NAV1: variants seen among roughly 807,000 people sequenced by gnomAD.
The protein encoded by NAV1 is neuron navigator 1.
NAV1 carries 18 observed loss-of-function variants against 175.2 expected under a neutral mutation model. The observed-to-expected ratio is 0.10, with a 90% CI of 0.07 to 0.15. The LOEUF (loss-of-function observed/expected upper bound fraction) is 0.15. Among genes scored for constraint, NAV1 ranks in the 10% least tolerant of loss-of-function variants. The pLI, the probability that NAV1 is intolerant of heterozygous loss-of-function variation, is 1.00. For missense variants in NAV1, 1,731 were observed against 2,436.6 expected (o/e 0.71, Z 6.10); for synonymous variants, 897 against 978.7 (o/e 0.92, Z 1.56).
intron 28 of NAV1, among the ~76,000 whole-genome samples, chr1:201,816,597 A>C (rs1217706674): frequency 6.6e-6 from 1 of 151,628 alleles, no homozygotes; most frequent in Non-Finnish European, 1.5e-5. Flanking sequence ...ATTTATACCA[A>C]CTTATTTCCT....
At chr1:201,540,578 G>A (rs901586851) in intron 1 of NAV1, among the ~76,000 whole-genome samples, 31 of 152,326 alleles carry the variant, frequency 2.0e-4, no homozygotes, top group African/African-American at 7.2e-4. Context: ...AGAGACCTTG[G>A]CTTCCTTTAG....
Position 201,812,016 on chromosome 1 carries a change from A to G in NAV1, c.5024+42A>G. The stretch of plus-strand genomic sequence containing the variant: ...TGGATGAACCTTCTGACCCTACCCA[A>G]GAGTCTTCAATCCTGGACTCTGGCC... On this transcript the variant is annotated intron_variant, in intron 26 of 29. Coordinates refer to ENST00000367296, the Ensembl canonical transcript of NAV1. The surrounding 1 kb of genome is among the most constrained non-coding windows in gnomAD (Gnocchi z 4.6). 1 of 1,575,048 alleles carries G rather than the reference A, an allele frequency of 6.3e-7. No homozygotes were observed. Among genetic ancestry groups the G allele is most frequent in the Non-Finnish European group, 8.7e-7 (1 of 1,144,418 alleles).
chr1:201,713,471 CT>C (rs1558089839), intron 2 of NAV1, among the ~76,000 whole-genome samples: 2 of 152,204 alleles, frequency 1.3e-5, no homozygotes, highest in Non-Finnish European at 2.9e-5. Flanking sequence ...GTGTGTCCCC[CT>C]AGCCCACTCC....
intron 1 of NAV1, among the ~76,000 whole-genome samples, chr1:201,558,345 C>G (rs929843707): frequency 6.6e-6 from 1 of 152,158 alleles, no homozygotes; most frequent in African/African-American, 2.4e-5. Flanking sequence ...AATGAATGAG[C>G]CCAGTGCTCA....
chr1:201,673,500 C>CT (rs1670128476), intron 1 of NAV1: 1 of 152,142 alleles, frequency 6.6e-6, no homozygotes, highest in Admixed American at 6.5e-5. Context: ...CTTTTCACAG[C>CT]TGGGAGGGTC....
rs77984586 is a variant in NAV1, at chr1:201,762,135, G to A, written c.1227-18286G>A. On this transcript the variant is annotated intron_variant, in intron 3 of 29. Transcript: ENST00000367296. ...TGTTTGCACCACTGCATTCCAGTTA[G>A]GTGACAGAGTGAGACCCTGTCTCAA... Among the ~76,000 whole-genome samples, 3 of 152,306 alleles carry A rather than the reference G, an allele frequency of 2.0e-5. No individual in the cohort carries two copies. In the East Asian group the frequency reaches 5.8e-4, roughly 29 times the overall value.
At chr1:201,683,378 C>A (rs1046420074) in intron 1 of NAV1, among the ~76,000 whole-genome samples, 1 of 152,080 alleles carries the variant, frequency 6.6e-6, no homozygotes, top group Admixed American at 6.5e-5. Context: ...AATTTTTCCA[C>A]GGACAGGGGT....
In NAV1 at chr1:201,539,614, G is replaced by A. The variant is rs188543350; in HGVS notation, c.-144+272G>A. Among the ~76,000 whole-genome samples, 82 of 152,250 alleles carry A rather than the reference G, an allele frequency of 5.4e-4. 1 individual carries two copies. The highest frequency in any genetic ancestry group is 1.9e-3 in the African/African-American group (79 of 41,544). On this transcript the variant is annotated intron_variant, in intron 1 of 33. Transcript: ENST00000685211. The surrounding 1 kb of genome is among the most constrained non-coding windows in gnomAD (Gnocchi z 5.6). ...GATTCTAGAGTTGACTCTCCGGGGG[G>A]GCTGCCTAACTTCAGTCCCTCTGAG...
chr1:201,756,794 CT>C (rs1674487931), intron 3 of NAV1, among the ~76,000 whole-genome samples: 20 of 143,674 alleles, frequency 1.4e-4, no homozygotes, highest in African/African-American at 4.1e-4. Context: ...ATGAGCAATT[CT>C]CTTTCTTTCT....
intron 3 of NAV1, among the ~76,000 whole-genome samples, chr1:201,755,977 C>T (rs1198536499): frequency 1.3e-5 from 2 of 151,852 alleles, no homozygotes; most frequent in Non-Finnish European, 2.9e-5. Flanking sequence ...CGTGGTGGTG[C>T]ATGCCTGTAA....
chr1:201,678,114 C>T (rs1326554607), intron 1 of NAV1, among the ~76,000 whole-genome samples: 4 of 152,126 alleles, frequency 2.6e-5, no homozygotes, highest in Admixed American at 2.0e-4. Flanking sequence ...ATGTATCCTG[C>T]CAAATGTGAT....
intron 17 of NAV1, among the ~76,000 whole-genome samples, chr1:201,805,683 G>A (rs1425007434): frequency 1.3e-5 from 2 of 152,172 alleles, no homozygotes; most frequent in African/African-American, 2.4e-5. Context: ...AGAACTTTGG[G>A]AGGCTGAGGT....
intron 1 of NAV1, among the ~76,000 whole-genome samples, chr1:201,627,612 C>T (rs1375184430): frequency 2.0e-5 from 3 of 149,224 alleles, no homozygotes; most frequent in African/African-American, 7.4e-5. Flanking sequence ...TTATTGCATA[C>T]CTGCTCTGGC....
At chr1:201,761,532 G>A (rs554872793) in intron 3 of NAV1, among the ~76,000 whole-genome samples, 1 of 152,132 alleles carries the variant, frequency 6.6e-6, no homozygotes, top group African/African-American at 2.4e-5. Context: ...CTCACTTTGC[G>A]CTCACAGGGT....
chr1:201,756,188 C>T (rs903889766), intron 3 of NAV1, among the ~76,000 whole-genome samples: 6 of 149,764 alleles, frequency 4.0e-5, no homozygotes, highest in Non-Finnish European at 8.9e-5. Flanking sequence ...AGTTTAATTA[C>T]TACTAAGGAG....
intron 1 of NAV1, among the ~76,000 whole-genome samples, chr1:201,674,974 A>C (rs1488739002): frequency 6.7e-6 from 1 of 148,960 alleles, no homozygotes; most frequent in Non-Finnish European, 1.5e-5. Context: ...TGGGAGGTTG[A>C]GGGTGCAGTG....
chr1:201,575,702 A>G (rs1666675112), intron 1 of NAV1, among the ~76,000 whole-genome samples: 1 of 152,180 alleles, frequency 6.6e-6, no homozygotes, highest in Non-Finnish European at 1.5e-5. Flanking sequence ...GTGGTGACGT[A>G]ACAACATCTG....
chr1:201,540,199 G>T (rs1441692807), intron 1 of NAV1, among the ~76,000 whole-genome samples: 1 of 152,206 alleles, frequency 6.6e-6, no homozygotes, highest in Non-Finnish European at 1.5e-5. Flanking sequence ...GGCAGAGAGG[G>T]TTCCTTGTCC....
rs114986514 is a variant in NAV1, at chr1:201,787,080, C to A, written c.2995+503C>A. Reference sequence around the variant, plus strand: ...GCCCAGGCCATCCTAACGCTGAAGGCAGGGCTGACTCAGATGTGTCCTGGC... The same window carrying A: ...GCCCAGGCCATCCTAACGCTGAAGGAAGGGCTGACTCAGATGTGTCCTGGC... On this transcript the variant is annotated intron_variant, in intron 9 of 29. Coordinates refer to ENST00000367296, the Ensembl canonical transcript of NAV1. The surrounding 1 kb of genome is among the most constrained non-coding windows in gnomAD (Gnocchi z 4.3). 6.7e-3 allele frequency among the ~76,000 whole-genome samples: 1,025 copies of A among 152,336 alleles called. 11 individuals carry two copies. The highest frequency in any genetic ancestry group is 0.024 in the African/African-American group (986 of 41,576).
Sources: gnomAD v4.1 joint callset for allele counts (sites outside exome capture counted in the v4.1 genomes callset) on GRCh38, gnomAD v4.1.1 for gene constraint, Gnocchi (gnomAD v3.1) non-coding constraint, MANE v1.5 for transcripts, NCBI Gene and HGNC (gene_info 2026-07-23, HGNC 2026-07-21) for gene names.